BDP1: variants seen among roughly 807,000 people sequenced by gnomAD.
BDP1 encodes BDP1 general transcription factor IIIB subunit.
BDP1 carries 169 observed loss-of-function variants against 266.6 expected under a neutral mutation model. The observed-to-expected ratio is 0.63, with a 90% CI of 0.56 to 0.72. The LOEUF (loss-of-function observed/expected upper bound fraction) is 0.72, where lower values mean the gene tolerates loss of function less well. Ranked by LOEUF, BDP1 falls within the 30% of genes least tolerant of loss-of-function variation. The pLI, the probability that BDP1 is intolerant of heterozygous loss-of-function variation, is 0.00. For missense variants in BDP1, 3,015 were observed against 3,053.8 expected, an observed-to-expected ratio of 0.99 and a Z score of 0.30; for synonymous variants, 1,090 against 1,022.4, an observed-to-expected ratio of 1.07 and a Z score of -1.26.
At chr5:71,477,978 C>T (rs114996670) in intron 7 of BDP1, among the ~76,000 whole-genome samples, 13,681 of 152,110 alleles carry the variant, frequency 0.09, 846 homozygotes, top group Middle Eastern at 0.14. Flanking sequence ...CAGCCGGGTG[C>T]GGTGATTCAC....
intron 1 of BDP1, 138 bp downstream of exon 1, chr5:71,456,227 A>C: frequency 2.5e-6 from 2 of 784,766 alleles, no homozygotes; most frequent in Non-Finnish European, 4.0e-6. Flanking sequence ...TGATGAAACC[A>C]CTCCAAACTG....
Position 71,474,846 on chromosome 5 carries a change from G to GA in BDP1, c.1014+4370dup, listed in dbSNP as rs35692248. On this transcript the variant is annotated intron_variant, in intron 7 of 38. Coordinates refer to ENST00000358731, the MANE Select transcript of BDP1 (RefSeq NM_018429.3). ...TAGGCAACAGAGCAAGACTCTGTCT[G>GA]AAAAAAAAAAAAATATATGATCCAC... Among the ~76,000 whole-genome samples, 545 of 104,182 alleles carry GA rather than the reference G, an allele frequency of 5.2e-3. 8 individuals are homozygous for GA. Among genetic ancestry groups the GA allele is most frequent in the African/African-American group, 0.014 (417 of 30,492 alleles). The allele number at this position is 104,182 out of a possible 152,430, so 68.3% of individuals were successfully genotyped here. A position where few individuals can be genotyped will look rare whatever the true frequency, so the allele number is the denominator to read the frequency against.
chr5:71,511,710 T>C (rs1764932114), intron 17 of BDP1, among the ~76,000 whole-genome samples: 1 of 152,146 alleles, frequency 6.6e-6, no homozygotes, highest in Non-Finnish European at 1.5e-5. Flanking sequence ...ATTTTTTTTC[T>C]TTAAGTCAGA....
At position 71,543,202 on chromosome 5, in the gene BDP1, G is replaced by A. The variant is rs183824796; in HGVS notation, c.6412+937G>A. On this transcript the variant is annotated intron_variant, in intron 30 of 38. Coordinates refer to ENST00000358731, the MANE Select transcript of BDP1 (RefSeq NM_018429.3). ...AGGCTGAGGTGGGAGTATCACCTGA[G>A]CCTGGGGAGGTTGAGGTCGCAGTGA... is the stretch of plus-strand genomic sequence containing the variant. 9.2e-5 allele frequency among the ~76,000 whole-genome samples: 14 copies of A among 152,310 alleles called. No individual in the cohort carries two copies. The East Asian group carries it at 2.7e-3, about 29-fold the overall frequency.
At chr5:71,473,822 C>A (rs1230321914) in intron 7 of BDP1, among the ~76,000 whole-genome samples, 1 of 150,878 alleles carries the variant, frequency 6.6e-6, no homozygotes, top group African/African-American at 2.4e-5. Context: ...AATGCTATCC[C>A]TCCGCCCTCC....
chr5:71,541,197 T>C (rs1000697827), intron 28 of BDP1, among the ~76,000 whole-genome samples: 4 of 152,182 alleles, frequency 2.6e-5, no homozygotes, highest in Non-Finnish European at 4.4e-5. Flanking sequence ...TTTTTACTAA[T>C]AATCGGATAA....
At position 71,543,429 on chromosome 5, in the gene BDP1, T is replaced by A. The variant is rs114550394; in HGVS notation, c.6413-928T>A. Among the ~76,000 whole-genome samples the A allele has an allele frequency of 6.5e-3, 983 of 152,250 alleles. 11 individuals carry two copies. Among genetic ancestry groups the A allele is most frequent in the African/African-American group, 0.023 (939 of 41,538 alleles). On this transcript the variant is annotated intron_variant, in intron 30 of 38. Coordinates refer to ENST00000358731, the MANE Select transcript of BDP1 (RefSeq NM_018429.3). ...TTGGGCAATATAGGGAGACCTTGTC[T>A]CTACAAAATAATTTTTAACAGTTAG...
chr5:71,489,966 A>G (rs557331558), intron 10 of BDP1, among the ~76,000 whole-genome samples: 82 of 152,350 alleles, frequency 5.4e-4, no homozygotes, highest in African/African-American at 1.3e-3. Context: ...ATCTATATAG[A>G]GTTAAAAGTA....
At chr5:71,508,636 C>T (rs765821550) in intron 16 of BDP1, among the ~76,000 whole-genome samples, 11 of 152,040 alleles carry the variant, frequency 7.2e-5, no homozygotes, top group East Asian at 1.9e-4. Flanking sequence ...CTGTTCAGTC[C>T]GACATGGCCG....
chr5:71,468,167 T>TGCC (rs1762015703), intron 6 of BDP1, among the ~76,000 whole-genome samples: 1 of 152,030 alleles, frequency 6.6e-6, no homozygotes, highest in Admixed American at 6.6e-5. Context: ...TACAGGCATC[T>TGCC]GCCACCACCC....
chr5:71,544,904 A>AAAAAAAAAAAAAAG (rs375850328), intron 31 of BDP1, 135 bp from the exon 32 acceptor site: 1 of 410,792 alleles, frequency 2.4e-6, no homozygotes, highest in Non-Finnish European at 4.1e-6. Flanking sequence ...AAAAAAAAAA[A>AAAAAAAAAAAAAAG]AAGTCCTATT....
At chr5:71,511,311 GA>G in intron 17 of BDP1, 160 bp downstream of exon 17, 5 of 683,234 alleles carry the variant, frequency 7.3e-6, no homozygotes, top group Middle Eastern at 4.0e-4. Flanking sequence ...GTGCCTTGAA[GA>G]AACTGTATGT....
Position 71,458,620 on chromosome 5 carries a change from G to C in BDP1, c.254G>C (p.Ser85Thr). The C allele has an allele frequency of 6.2e-7, 1 of 1,613,372 alleles. No homozygotes were observed. Among genetic ancestry groups the C allele is most frequent in the Non-Finnish European group, 8.5e-7 (1 of 1,179,370 alleles). ...GGTGACAATGATGTTGAAGAATCCA[G>C]TAGATCTTCCTCTACTGTTTCACAG... ...TGGDNDVEES[S>T]RSSSTVSQRR... Residue 85 changes from serine (S) to threonine (T), a missense_variant, in exon 2 of 39, where the codon AGT (serine) becomes ACT (threonine). Ser to Thr is a moderately conservative substitution (Grantham distance 58, BLOSUM62 1). Transcript: ENST00000358731.
At chr5:71,521,461 T>G (rs1317654199) in intron 22 of BDP1, among the ~76,000 whole-genome samples, 2 of 151,608 alleles carry the variant, frequency 1.3e-5, no homozygotes, top group African/African-American at 4.8e-5. Flanking sequence ...CCCAGCTAAT[T>G]TTTTATTTTT....
chr5:71,548,703 G>A lies in BDP1; in HGVS notation c.6766G>A (p.Glu2256Lys). The A allele has an allele frequency of 6.2e-7, 1 of 1,608,418 alleles. No homozygotes were observed. Among genetic ancestry groups the A allele is most frequent in the Non-Finnish European group, 8.5e-7 (1 of 1,175,398 alleles). The change falls in exon 33 of 39, where the codon GAA (glutamate) becomes AAA (lysine). Residue 2256 changes from glutamate to lysine, a missense_variant. Transcript: ENST00000358731. Reference sequence around the variant, plus strand: ...GCAGTATACACCAACAAGTATTCCAGAAGTCCAACAAGAGAATATAATCAA... The same window carrying A: ...GCAGTATACACCAACAAGTATTCCAAAAGTCCAACAAGAGAATATAATCAA... ...VPEYTPTSIPEVQQENIINPQ... is the reference protein window; with the variant it reads ...VPEYTPTSIPKVQQENIINPQ...
chr5:71,539,712 T>G (rs1766845390), intron 28 of BDP1, 63 bp downstream of exon 28: 2 of 1,121,764 alleles, frequency 1.8e-6, no homozygotes, highest in African/African-American at 1.6e-5. Flanking sequence ...TAAGAAATTA[T>G]ACCCACATTT....
At chr5:71,530,489 C>T (rs1383033344) in intron 25 of BDP1, among the ~76,000 whole-genome samples, 1 of 152,014 alleles carries the variant, frequency 6.6e-6, no homozygotes, top group East Asian at 1.9e-4. Context: ...AACAATCTGC[C>T]AACCTCAGCC....
intron 9 of BDP1, among the ~76,000 whole-genome samples, chr5:71,488,424 G>C (rs1427956780): frequency 6.7e-6 from 1 of 148,712 alleles, no homozygotes; most frequent in East Asian, 2.0e-4. Flanking sequence ...ACCACGCCCA[G>C]CCAGAACTTT....
intron 13 of BDP1, 44 bp from the exon 14 acceptor site, chr5:71,501,518 C>G: frequency 8.7e-7 from 1 of 1,152,752 alleles, no homozygotes; most frequent in Non-Finnish European, 1.3e-6. Flanking sequence ...AAAGTTTGAA[C>G]TGTTTATTGT....
Sources: gnomAD v4.1 joint callset for allele counts (sites outside exome capture counted in the v4.1 genomes callset) on GRCh38, gnomAD v4.1.1 for gene constraint, MANE v1.5 for transcripts, NCBI Gene and HGNC (gene_info 2026-07-23, HGNC 2026-07-21) for gene names.